EIPR1: variants seen among roughly 807,000 people sequenced by gnomAD.
The protein encoded by EIPR1 is EARP complex and GARP complex interacting protein 1.
In EIPR1, 25 loss-of-function variants were observed where a neutral mutation model predicts 48.1. The ratio of observed to expected loss-of-function variants is 0.52; its 90% confidence interval spans 0.38 to 0.73. The LOEUF is 0.73. Ranked by LOEUF, EIPR1 falls within the 30% of genes least tolerant of loss-of-function variation. The probability of loss-of-function intolerance (pLI) is 0.00; values close to 1 mark genes in which losing one functional copy is unlikely to be tolerated. For synonymous variants in EIPR1, 204 were observed against 201.9 expected, an observed-to-expected ratio of 1.01 and a Z score of -0.09; for missense variants, 415 against 506.2, an observed-to-expected ratio of 0.82 and a Z score of 1.73.
intron 3 of EIPR1, among the ~76,000 whole-genome samples, chr2:3,258,910 C>T (rs923530015): frequency 5.3e-5 from 8 of 151,896 alleles, no homozygotes; most frequent in African/African-American, 1.9e-4. Flanking sequence ...GTTCTGTCTA[C>T]AAGGGAATTT....
chr2:3,340,902 G>C (rs974231475), intron 2 of EIPR1, among the ~76,000 whole-genome samples: 1 of 151,950 alleles, frequency 6.6e-6, no homozygotes, highest in Admixed American at 6.6e-5. Flanking sequence ...TTGAAGACCA[G>C]CCTGGACAAT....
chr2:3,360,219 C>G (rs1409027404), intron 1 of EIPR1, among the ~76,000 whole-genome samples: 1 of 152,130 alleles, frequency 6.6e-6, no homozygotes, highest in Non-Finnish European at 1.5e-5. Flanking sequence ...GCCTGGCCAA[C>G]ATGGTGAAAA....
chr2:3,309,147 A>G (rs1469554846), intron 3 of EIPR1, among the ~76,000 whole-genome samples: 1 of 152,182 alleles, frequency 6.6e-6, no homozygotes, highest in African/African-American at 2.4e-5. Context: ...AAATTACACC[A>G]CCACATCTGA....
intron 3 of EIPR1, among the ~76,000 whole-genome samples, chr2:3,279,132 G>A (rs2103256997): frequency 6.6e-6 from 1 of 152,214 alleles, no homozygotes; most frequent in East Asian, 1.9e-4. Context: ...CACTTTAGGA[G>A]GTAGTTTTTA....
At chr2:3,259,369 TCAC>T (rs35468053) in intron 3 of EIPR1, among the ~76,000 whole-genome samples, 83,930 of 151,792 alleles carry the variant, frequency 0.55, 23,520 homozygotes, top group East Asian at 0.75. Context: ...AAACGCCAGC[TCAC>T]CAAACTCCTT....
intron 4 of EIPR1, among the ~76,000 whole-genome samples, chr2:3,222,114 A>T (rs1426040706): frequency 6.6e-6 from 1 of 152,230 alleles, no homozygotes; most frequent in African/African-American, 2.4e-5. Context: ...GCAGCACAGC[A>T]TCCTGCACTT....
intron 3 of EIPR1, among the ~76,000 whole-genome samples, chr2:3,329,252 G>C (rs1169083599): frequency 7.4e-6 from 1 of 135,372 alleles, no homozygotes; most frequent in Non-Finnish European, 1.6e-5. Context: ...CACCAGCTGG[G>C]CTCCCCTGGA....
intron 3 of EIPR1, among the ~76,000 whole-genome samples, chr2:3,263,794 A>G (rs1667406965): frequency 6.6e-6 from 1 of 152,220 alleles, no homozygotes; most frequent in Non-Finnish European, 1.5e-5. Flanking sequence ...CCTGGAACCC[A>G]GTATTTCCAG....
intron 5 of EIPR1, among the ~76,000 whole-genome samples, chr2:3,212,930 A>G (rs910808734): frequency 4.6e-5 from 7 of 152,222 alleles, no homozygotes; most frequent in Admixed American, 4.6e-4. Flanking sequence ...CCTTTTGTCC[A>G]TTCAGAGGTT....
intron 5 of EIPR1, among the ~76,000 whole-genome samples, chr2:3,209,872 G>C (rs1665382984): frequency 6.6e-6 from 1 of 152,168 alleles, no homozygotes; most frequent in Non-Finnish European, 1.5e-5. Context: ...TGGAGAGAGA[G>C]CATGAGGAAA....
At chr2:3,270,746 T>A (rs975150750) in intron 3 of EIPR1, among the ~76,000 whole-genome samples, 18 of 152,068 alleles carry the variant, frequency 1.2e-4, no homozygotes, top group Admixed American at 2.6e-4. Flanking sequence ...GGTGGAGGGT[T>A]TTGCCTTAAT....
intron 3 of EIPR1, among the ~76,000 whole-genome samples, chr2:3,324,580 G>A (rs1361375537): frequency 3.9e-5 from 6 of 152,256 alleles, no homozygotes; most frequent in Admixed American, 1.3e-4. Context: ...CCACCCACCC[G>A]CTCAAGGCGG....
intron 5 of EIPR1, chr2:3,208,829 G>A (rs761597381): frequency 1.9e-6 from 3 of 1,550,442 alleles, no homozygotes; most frequent in South Asian, 1.2e-5. Context: ...CCCGTGGCAG[G>A]TGCAGGTGTC....
chr2:3,233,567 T>A (rs1171801971), intron 4 of EIPR1, among the ~76,000 whole-genome samples: 1 of 152,196 alleles, frequency 6.6e-6, no homozygotes, highest in Non-Finnish European at 1.5e-5. Context: ...GCTGATCCCT[T>A]CCCCAAGCCA....
In EIPR1 at chr2:3,325,763, A is replaced by G. The variant is rs1042721497; in HGVS notation, c.259+12254T>C. Among the ~76,000 whole-genome samples, 3 of 152,238 alleles carry G rather than the reference A, an allele frequency of 2.0e-5. No individual in the cohort carries two copies. In the East Asian group the frequency reaches 5.8e-4, roughly 29 times the overall value. On this transcript the variant is annotated intron_variant, in intron 3 of 8. Transcript: ENST00000382125. The stretch of plus-strand genomic sequence containing the variant: ...CACAGTTTGCATTCTACTTTGTAAC[A>G]TATCTACATTCATTTCAGGCTATAA...
chr2:3,221,634 A>G (rs77944863), intron 4 of EIPR1, among the ~76,000 whole-genome samples: 5 of 12,654 alleles, frequency 4.0e-4, no homozygotes, highest in Admixed American at 1.6e-3. Flanking sequence ...ACACTCTAGA[A>G]CACTCACAGT....
intron 5 of EIPR1, among the ~76,000 whole-genome samples, chr2:3,203,574 T>G (rs1425595219): frequency 6.6e-6 from 1 of 152,196 alleles, no homozygotes; most frequent in Non-Finnish European, 1.5e-5. Flanking sequence ...AAAGCAGAGC[T>G]GGCAGAGGTG....
chr2:3,298,381 G>T (rs1221902944), intron 3 of EIPR1: 2 of 152,214 alleles, frequency 1.3e-5, no homozygotes, highest in Non-Finnish European at 1.5e-5. Context: ...GCTGGGTTGT[G>T]TGGGAGAGAA....
chr2:3,282,533 C>T (rs374298601), intron 3 of EIPR1: 3 of 152,236 alleles, frequency 2.0e-5, no homozygotes, highest in African/African-American at 4.8e-5. Context: ...CCTTGAAACC[C>T]GACTGCCAAT....
Sources: gnomAD v4.1 joint callset for allele counts (sites outside exome capture counted in the v4.1 genomes callset) on GRCh38, gnomAD v4.1.1 for gene constraint, MANE v1.5 for transcripts, NCBI Gene and HGNC (gene_info 2026-07-23, HGNC 2026-07-21) for gene names.